CNTN3: variants seen among roughly 807,000 people sequenced by gnomAD.
CNTN3 encodes the protein contactin-3.
Under a neutral mutation model 119.1 loss-of-function variants are expected in CNTN3, and 60 were observed. The observed-to-expected ratio is 0.50, with a 90% CI of 0.41 to 0.62. The LOEUF (loss-of-function observed/expected upper bound fraction) is 0.62. Among genes scored for constraint, CNTN3 ranks in the 20% least tolerant of loss-of-function variants. The probability of loss-of-function intolerance (pLI) is 0.00; values close to 1 mark genes in which losing one functional copy is unlikely to be tolerated. For synonymous variants in CNTN3, 450 were observed against 438.7 expected (o/e 1.03, Z -0.32); for missense variants, 1,101 against 1,242.4 (o/e 0.89, Z 1.71).
intron 1 of CNTN3, among the ~76,000 whole-genome samples, chr3:74,527,531 C>T (rs556777758): frequency 2.0e-5 from 3 of 151,982 alleles, no homozygotes; most frequent in Admixed American, 6.6e-5. Context: ...ATCACTGATG[C>T]TATGCCAGAA....
intron 5 of CNTN3, among the ~76,000 whole-genome samples, chr3:74,397,619 C>G (rs141353579): frequency 2.0e-4 from 31 of 152,070 alleles, no homozygotes; most frequent in African/African-American, 6.8e-4. Flanking sequence ...TCTAAGTGTT[C>G]AAGTGAAAGG....
intron 1 of CNTN3, among the ~76,000 whole-genome samples, chr3:74,591,566 A>C (rs1239872377): frequency 6.6e-6 from 1 of 151,748 alleles, no homozygotes; most frequent in Non-Finnish European, 1.5e-5. Flanking sequence ...CTGTAATGCT[A>C]TAATAAAGGC....
chr3:74,570,200 C>T (rs1704288242), intron 1 of CNTN3, among the ~76,000 whole-genome samples: 1 of 151,796 alleles, frequency 6.6e-6, no homozygotes, highest in Admixed American at 6.6e-5. Flanking sequence ...GTAGGTACTA[C>T]AAGACATGTA....
intron 1 of CNTN3, among the ~76,000 whole-genome samples, chr3:74,552,926 A>C (rs1704013064): frequency 6.6e-6 from 1 of 152,238 alleles, no homozygotes; most frequent in East Asian, 1.9e-4. Flanking sequence ...TGAGTCAATT[A>C]AACCTCACTC....
chr3:74,330,827 G>T (rs1228129726), intron 13 of CNTN3, among the ~76,000 whole-genome samples: 1 of 150,012 alleles, frequency 6.7e-6, no homozygotes, highest in Non-Finnish European at 1.5e-5. Flanking sequence ...ATTCATTTTT[G>T]ACAAAAATGT....
intron 9 of CNTN3, among the ~76,000 whole-genome samples, 174 bp downstream of exon 9, chr3:74,365,392 G>T (rs187235549): frequency 6.6e-6 from 1 of 152,204 alleles, no homozygotes; most frequent in African/African-American, 2.4e-5. Context: ...GGCAGACTGG[G>T]TACTTGATTT....
intron 13 of CNTN3, among the ~76,000 whole-genome samples, chr3:74,320,130 A>G (rs1257575929): frequency 6.6e-6 from 1 of 152,208 alleles, no homozygotes; most frequent in African/African-American, 2.4e-5. Context: ...GGGATCTAGA[A>G]CTAGAAATAC....
chr3:74,296,760 T>C (rs1478203428), intron 18 of CNTN3, among the ~76,000 whole-genome samples: 1 of 152,208 alleles, frequency 6.6e-6, no homozygotes, highest in African/African-American at 2.4e-5. Context: ...AAGGCTTCCA[T>C]TTTCTCATTT....
Position 74,299,892 on chromosome 3 carries a change from C to T in CNTN3, c.2142G>A (p.Arg714=). The T allele has an allele frequency of 6.2e-7, 1 of 1,606,514 alleles. No individual in the cohort carries two copies. The highest frequency in any genetic ancestry group is 1.1e-5 in the South Asian group (1 of 88,836). The change falls in exon 17 of 23, where the codon CGG becomes CGA. Residue 714 remains arginine, a synonymous_variant. Coordinates refer to ENST00000263665, the MANE Select transcript of CNTN3 (RefSeq NM_020872.3). ...PSEVNGGGGS[R]SELVITWDPV... ...CATCCCAGGTTATCACAAGTTCAGA[C>T]CGGCTTCCGCCTCCTCCATTGACTT...
intron 13 of CNTN3, among the ~76,000 whole-genome samples, chr3:74,322,099 T>C (rs7610899): frequency 6.7e-6 from 1 of 150,096 alleles, no homozygotes; most frequent in African/African-American, 2.5e-5. Context: ...GGCAGGAGAA[T>C]TGCTTGAACC....
intron 11 of CNTN3, among the ~76,000 whole-genome samples, chr3:74,339,241 TTGG>T (rs1258439961): frequency 6.6e-6 from 1 of 152,052 alleles, no homozygotes; most frequent in Non-Finnish European, 1.5e-5. Context: ...AACCTCCTCT[TTGG>T]TGTCACATTG....
chr3:74,461,297 C>T (rs1702362836), intron 4 of CNTN3, among the ~76,000 whole-genome samples: 1 of 151,962 alleles, frequency 6.6e-6, no homozygotes, highest in South Asian at 2.1e-4. Context: ...CACTCCTCCT[C>T]CTCTTCCTTT....
chr3:74,376,021 A>G (rs1245824475), intron 5 of CNTN3, among the ~76,000 whole-genome samples: 1 of 152,122 alleles, frequency 6.6e-6, no homozygotes, highest in East Asian at 1.9e-4. Flanking sequence ...GTATGACTAC[A>G]CCAGCAGAGG....
At chr3:74,452,453 A>G (rs960716260) in intron 4 of CNTN3, among the ~76,000 whole-genome samples, 1 of 148,036 alleles carries the variant, frequency 6.8e-6, no homozygotes, top group Admixed American at 6.8e-5. Context: ...CAATCATGTC[A>G]TCTGCAAACA....
intron 11 of CNTN3, among the ~76,000 whole-genome samples, chr3:74,340,569 T>G (rs910308889): frequency 6.6e-6 from 1 of 152,102 alleles, no homozygotes; most frequent in Non-Finnish European, 1.5e-5. Flanking sequence ...ATAGTGTTGC[T>G]CCGGAAATTT....
At chr3:74,434,099 T>G (rs964383468) in intron 4 of CNTN3, among the ~76,000 whole-genome samples, 1 of 152,140 alleles carries the variant, frequency 6.6e-6, no homozygotes, top group South Asian at 2.1e-4. Context: ...TTTCTACTAG[T>G]GAAATTTAGG....
chr3:74,550,462 C>G (rs1380696592), intron 1 of CNTN3, among the ~76,000 whole-genome samples: 3 of 152,174 alleles, frequency 2.0e-5, no homozygotes, highest in African/African-American at 7.2e-5. Context: ...TTGGAAGAGG[C>G]ACCAAATACT....
At chr3:74,317,321 C>A (rs1200297385) in intron 13 of CNTN3, among the ~76,000 whole-genome samples, 1 of 151,482 alleles carries the variant, frequency 6.6e-6, no homozygotes, top group African/African-American at 2.4e-5. Context: ...TTAATTGGAG[C>A]ATTTAGCCCA....
At chr3:74,580,402 T>C (rs1428499232) in intron 1 of CNTN3, among the ~76,000 whole-genome samples, 1 of 152,154 alleles carries the variant, frequency 6.6e-6, no homozygotes, top group Non-Finnish European at 1.5e-5. Context: ...ATTATCATGA[T>C]ACCAAAAAGC....
Sources: allele counts gnomAD v4.1 joint callset (sites outside exome capture counted in the v4.1 genomes callset), GRCh38; gene constraint gnomAD v4.1.1; transcripts MANE v1.5; gene names NCBI Gene and HGNC (gene_info 2026-07-23, HGNC 2026-07-21).